CD9: variants seen among roughly 807,000 people sequenced by gnomAD.
CD9 encodes CD9 molecule.
In CD9, 10 loss-of-function variants were observed where a neutral mutation model predicts 31.4. That is an observed-to-expected ratio of 0.32 (90% CI 0.20 to 0.54). CD9 has a LOEUF of 0.54. Ranked by LOEUF, CD9 falls within the 20% of genes least tolerant of loss-of-function variation. The pLI, the probability that CD9 is intolerant of heterozygous loss-of-function variation, is 0.94. For synonymous variants in CD9, 113 were observed against 114.1 expected (o/e 0.99, Z 0.06); for missense variants, 259 against 300.1 (o/e 0.86, Z 1.01).
intron 2 of CD9, among the ~76,000 whole-genome samples, chr12:6,228,514 T>G (rs1186540999): frequency 7.7e-6 from 1 of 129,740 alleles, no homozygotes; most frequent in Non-Finnish European, 1.5e-5. Flanking sequence ...ATCACACCAC[T>G]GAGGCTCTGT....
intron 1 of CD9, among the ~76,000 whole-genome samples, chr12:6,209,678 TC>T (rs1157073929): frequency 3.1e-5 from 4 of 127,982 alleles, no homozygotes; most frequent in African/African-American, 8.3e-5. Context: ...ACTGCAAATT[TC>T]TTTTTTTTTT....
At chr12:6,201,221 G>A (rs910077776) in intron 1 of CD9, among the ~76,000 whole-genome samples, 12 of 152,250 alleles carry the variant, frequency 7.9e-5, no homozygotes, top group Non-Finnish European at 1.8e-4. Context: ...CACCGTGAGA[G>A]CGCCGAACTC....
Position 6,237,840 on chromosome 12 carries a change from A to G in CD9, c.*12A>G, listed in dbSNP as rs181150196. The G allele has an allele frequency of 2.5e-6, 4 of 1,599,236 alleles. No individual in the cohort carries two copies. The highest frequency in any genetic ancestry group is 2.7e-5 in the African/African-American group (2 of 74,630). ...GCGAGATGGTCTAGAGTCAGCTTACATCCCTGAGCAGGAAAGTTTACCCAT... is the reference window on the plus strand; with the variant it reads ...GCGAGATGGTCTAGAGTCAGCTTACGTCCCTGAGCAGGAAAGTTTACCCAT... On this transcript the variant is annotated 3_prime_UTR_variant, in exon 8 of 8. Coordinates refer to ENST00000009180, the MANE Select transcript of CD9 (RefSeq NM_001769.4).
chr12:6,230,942 C>G (rs554464512), intron 2 of CD9, among the ~76,000 whole-genome samples: 1 of 152,228 alleles, frequency 6.6e-6, no homozygotes. Context: ...GCATTCTGCT[C>G]TGTGCTGCCC....
Position 6,232,017 on chromosome 12 carries a change from G to A in CD9, c.176-615G>A, listed in dbSNP as rs1429753589. 2.6e-5 allele frequency among the ~76,000 whole-genome samples: 4 copies of A among 152,174 alleles called. No individual in the cohort carries two copies. The highest frequency in any genetic ancestry group is 5.9e-5 in the Non-Finnish European group (4 of 68,016). ...ATCTGTGTCCTTTGCACTAGAGTCA[G>A]GTATTGGACCTTTGCCAAGAGGTGC... is the stretch of plus-strand genomic sequence containing the variant. On this transcript the variant is annotated intron_variant, in intron 2 of 7. Transcript: ENST00000009180. This position sits in a 1 kb window ranked among gnomAD's most constrained non-coding sequence, Gnocchi z 4.8.
chr12:6,214,593 C>G (rs372589298), intron 1 of CD9, among the ~76,000 whole-genome samples: 6 of 152,150 alleles, frequency 3.9e-5, no homozygotes, highest in African/African-American at 1.4e-4. Context: ...AAGCATTCCG[C>G]CCCCCTCTCA....
chr12:6,230,505 G>T (rs1481871558), intron 2 of CD9, among the ~76,000 whole-genome samples: 1 of 152,240 alleles, frequency 6.6e-6, no homozygotes, highest in Non-Finnish European at 1.5e-5. Context: ...CCACTCCACG[G>T]TATTTCATGT....
chr12:6,220,988 C>G (rs1470671689), intron 1 of CD9, among the ~76,000 whole-genome samples: 1 of 152,238 alleles, frequency 6.6e-6, no homozygotes, highest in African/African-American at 2.4e-5. Flanking sequence ...CCCCCTCAGT[C>G]TTCTCTGGGC....
intron 5 of CD9, 48 bp from the exon 6 acceptor site, chr12:6,235,428 T>G: frequency 1.9e-6 from 3 of 1,613,604 alleles, no homozygotes; most frequent in South Asian, 1.1e-5. Context: ...TCTAATCGTC[T>G]TCTTACAATT....
intron 1 of CD9, among the ~76,000 whole-genome samples, chr12:6,220,861 C>A (rs1412226197): frequency 6.6e-6 from 1 of 152,236 alleles, no homozygotes; most frequent in African/African-American, 2.4e-5. Flanking sequence ...TAGGAAACCA[C>A]CGTTGGTACA....
intron 1 of CD9, among the ~76,000 whole-genome samples, chr12:6,206,636 C>T (rs1946135828): frequency 6.6e-6 from 1 of 152,134 alleles, no homozygotes; most frequent in Non-Finnish European, 1.5e-5. Context: ...CAAGTGATGG[C>T]ATGCAGCCGT....
rs374339645 is a variant in CD9 at position 6,225,364 on chromosome 12, G to A, written c.67-62G>A. 6.3e-5 allele frequency: 68 copies of A among 1,072,978 alleles called. 1 individual carries two copies. The highest frequency in any genetic ancestry group is 4.2e-4 in the Middle Eastern group (2 of 4,786). The allele number at this position is 1,072,978 out of a possible 1,614,324, so 66.5% of individuals were successfully genotyped here. On this transcript the variant is annotated intron_variant, in intron 1 of 7. Transcript: ENST00000009180. Reference sequence around the variant, plus strand: ...TCCTTTGCAAGTCTCACCCTTAAGCGCGTGGGGACTGTGTTGTTGCTGGCA... The same window carrying A: ...TCCTTTGCAAGTCTCACCCTTAAGCACGTGGGGACTGTGTTGTTGCTGGCA...
chr12:6,210,202 G>C (rs1387929889), intron 1 of CD9, among the ~76,000 whole-genome samples: 1 of 152,184 alleles, frequency 6.6e-6, no homozygotes, highest in Non-Finnish European at 1.5e-5. Flanking sequence ...GAGGCTCCGG[G>C]TCCCACTCTG....
chr12:6,215,408 T>C (rs1281425615), intron 1 of CD9, among the ~76,000 whole-genome samples: 4 of 151,994 alleles, frequency 2.6e-5, no homozygotes, highest in Non-Finnish European at 4.4e-5. Flanking sequence ...TGGGGAGGTG[T>C]TGGAAAACAG....
In CD9 at chr12:6,225,410, C is replaced by T. The variant is rs1327564029; in HGVS notation, c.67-16C>T. On this transcript the variant is annotated splice_polypyrimidine_tract_variant and intron_variant, in intron 1 of 7. Coordinates refer to ENST00000009180, the MANE Select transcript of CD9 (RefSeq NM_001769.4). ...TGGCAGCCAGAATTAATGCTGATGT[C>T]CTGTATGTCTTGCAGCTTGCCGGGA... is the stretch of plus-strand genomic sequence containing the variant. 6.4e-7 allele frequency: 1 copy of T among 1,553,970 alleles called. No homozygotes were observed. The highest frequency in any genetic ancestry group is 1.4e-5 in the African/African-American group (1 of 73,664).
At chr12:6,235,161 A>AT in intron 4 of CD9, 68 bp from the exon 5 acceptor site, 4 of 1,140,076 alleles carry the variant, frequency 3.5e-6, no homozygotes, top group Non-Finnish European at 5.2e-6. Context: ...GATGGAACGC[A>AT]TAACATTTGT....
chr12:6,228,693 G>A (rs1217772412), intron 2 of CD9, among the ~76,000 whole-genome samples: 6 of 152,124 alleles, frequency 3.9e-5, no homozygotes, highest in South Asian at 4.1e-4. Flanking sequence ...AGGAGGCGTC[G>A]CTCTGTGTCC....
intron 1 of CD9, among the ~76,000 whole-genome samples, chr12:6,218,376 C>T (rs1309579676): frequency 1.3e-5 from 2 of 152,232 alleles, no homozygotes; most frequent in Admixed American, 1.3e-4. Context: ...AACTTGGCTT[C>T]TCCCACCCGG....
intron 1 of CD9, among the ~76,000 whole-genome samples, chr12:6,222,741 A>G (rs1565424202): frequency 1.3e-5 from 2 of 152,102 alleles, no homozygotes; most frequent in Non-Finnish European, 2.9e-5. Context: ...AAGGGGCCTT[A>G]CCCCTGGAGG....
Sources: gnomAD v4.1 joint callset for allele counts (sites outside exome capture counted in the v4.1 genomes callset) on GRCh38, gnomAD v4.1.1 for gene constraint, Gnocchi (gnomAD v3.1) non-coding constraint, MANE v1.5 for transcripts, NCBI Gene and HGNC (gene_info 2026-07-23, HGNC 2026-07-21) for gene names.